Variants in SAMD5 observed in about 807,000 individuals in gnomAD.
The protein encoded by SAMD5 is sterile alpha motif domain containing 5.
A neutral mutation model predicts 11.3 loss-of-function variants in SAMD5; 13 were observed. The ratio of observed to expected loss-of-function variants is 1.15; its 90% CI spans 0.75 to 1.83. The LOEUF (loss-of-function observed/expected upper bound fraction) is 1.83, where lower values mean the gene tolerates loss of function less well. SAMD5 is among the 40% of genes most tolerant of loss of function. SAMD5 has a pLI of 0.00. For missense variants in SAMD5, 255 were observed against 239.1 expected, an observed-to-expected ratio of 1.07 and a Z score of -0.44; for synonymous variants, 129 against 111.3, an observed-to-expected ratio of 1.16 and a Z score of -1.00.
chr6:147,528,818 G>A (rs1001033534), intron 1 of SAMD5, among the ~76,000 whole-genome samples: 1 of 152,184 alleles, frequency 6.6e-6, no homozygotes, highest in South Asian at 2.1e-4. Context: ...CTTTAAGTAG[G>A]CTTGGAAAAG....
chr6:147,616,442 C>T (rs955747125), intron 1 of SAMD5, among the ~76,000 whole-genome samples: 6 of 151,956 alleles, frequency 3.9e-5, no homozygotes, highest in Non-Finnish European at 8.8e-5. Flanking sequence ...TCCTCGGTCA[C>T]TATGACCTGC....
At chr6:147,903,152 A>G in the SAMD5 span, among the ~76,000 whole-genome samples, 7 of 152,318 alleles carry the variant, frequency 4.6e-5, 1 homozygote, top group South Asian at 1.4e-3. Flanking sequence ...CCACTGTTCC[A>G]TGGCTAATTA....
At chr6:147,584,771 A>G (rs986151571) in intron 1 of SAMD5, among the ~76,000 whole-genome samples, 1 of 152,224 alleles carries the variant, frequency 6.6e-6, no homozygotes, top group Non-Finnish European at 1.5e-5. Flanking sequence ...GTTTCAGACC[A>G]CTAATTAGAT....
chr6:147,688,159 T>C (rs1256337165), intron 1 of SAMD5, among the ~76,000 whole-genome samples: 2 of 152,124 alleles, frequency 1.3e-5, no homozygotes, highest in Non-Finnish European at 2.9e-5. Context: ...TTTTTTAGTT[T>C]TGAGTTCCTG....
chr6:147,855,844 C>A, the SAMD5 span, among the ~76,000 whole-genome samples: 1 of 152,152 alleles, frequency 6.6e-6, no homozygotes, highest in Non-Finnish European at 1.5e-5. Context: ...TGCAATACCA[C>A]CACTTTGGAA....
At chr6:147,777,341 C>T in the SAMD5 span, among the ~76,000 whole-genome samples, 1 of 152,084 alleles carries the variant, frequency 6.6e-6, no homozygotes, top group Admixed American at 6.6e-5. Flanking sequence ...CCTGATCCGT[C>T]CACCCACTCC....
chr6:147,938,054 A>G, the SAMD5 span, among the ~76,000 whole-genome samples: 1 of 152,188 alleles, frequency 6.6e-6, no homozygotes, highest in Non-Finnish European at 1.5e-5. Flanking sequence ...TTGTAATTCA[A>G]GAGGTGATTG....
the SAMD5 span, among the ~76,000 whole-genome samples, chr6:147,775,668 A>G: frequency 0.019 from 2,848 of 152,314 alleles, 72 homozygotes; most frequent in East Asian, 0.067. Flanking sequence ...TCAGTTGGGA[A>G]ATGGAAGAAG....
the SAMD5 span, among the ~76,000 whole-genome samples, chr6:147,799,324 T>A: frequency 1.8e-3 from 277 of 152,080 alleles, no homozygotes; most frequent in African/African-American, 5.8e-3. Flanking sequence ...TCCTTCACTT[T>A]TGAAGCTTAG....
chr6:147,643,748 G>GGAAA (rs1554239617), intron 1 of SAMD5, among the ~76,000 whole-genome samples: 2 of 88,712 alleles, frequency 2.3e-5, no homozygotes, highest in African/African-American at 1.2e-4. Flanking sequence ...AAGGAAAGAA[G>GGAAA]GAAGGAAGGA....
In SAMD5 at chr6:147,555,355, TG is replaced by T. The variant is rs562356481; in HGVS notation, c.460-9036del. On this transcript the variant is annotated intron_variant, in intron 1 of 1. Transcript: ENST00000367474. Reference sequence around the variant, plus strand: ...AGAACAAGCCATGCTTATTTAGACTTGGGTATTTGGCAGATTTCTTAAAAAT... The same window carrying T: ...AGAACAAGCCATGCTTATTTAGACTTGGTATTTGGCAGATTTCTTAAAAAT... Among the ~76,000 whole-genome samples the T allele has an allele frequency of 4.6e-5, 7 of 152,312 alleles. No homozygotes were observed. In the South Asian group the frequency reaches 1.2e-3, roughly 27 times the overall value.
At chr6:147,712,323 AT>A (rs1791411525) in intron 1 of SAMD5, among the ~76,000 whole-genome samples, 1 of 152,122 alleles carries the variant, frequency 6.6e-6, no homozygotes. Flanking sequence ...ACAACAATTT[AT>A]TTTTTTCCAG....
In SAMD5 at chr6:147,597,731, G is replaced by T. The variant is rs1183155506; in HGVS notation, c.162+88344G>T. On this transcript the variant is annotated intron_variant, in intron 1 of 1. Transcript: ENST00000566741. ...AAGGCAAAACTTCATGTTGCAACCAGTTTTTTCCTGACTCTTGCTTCAAAC... is the reference window on the plus strand; with the variant it reads ...AAGGCAAAACTTCATGTTGCAACCATTTTTTTCCTGACTCTTGCTTCAAAC... Among the ~76,000 whole-genome samples the T allele has an allele frequency of 2.0e-5, 3 of 152,208 alleles. No individual in the cohort carries two copies. In the East Asian group the frequency reaches 5.8e-4, roughly 29 times the overall value.
chr6:147,944,366 C>T, the SAMD5 span, among the ~76,000 whole-genome samples: 50 of 152,144 alleles, frequency 3.3e-4, no homozygotes, highest in African/African-American at 1.1e-3. Flanking sequence ...ACCTCTTACA[C>T]GGATGGCAGC....
chr6:147,832,797 T>C, the SAMD5 span, among the ~76,000 whole-genome samples: 2 of 152,190 alleles, frequency 1.3e-5, no homozygotes, highest in African/African-American at 4.8e-5. Context: ...CGGTACACAC[T>C]AAGCACTTAA....
the SAMD5 span, among the ~76,000 whole-genome samples, chr6:147,950,954 A>G: frequency 6.7e-6 from 1 of 149,442 alleles, no homozygotes; most frequent in African/African-American, 2.5e-5. Flanking sequence ...TCTTTACCTC[A>G]TATTCTAGAC....
chr6:147,511,509 C>A (rs1364074733), intron 1 of SAMD5, among the ~76,000 whole-genome samples: 6 of 152,076 alleles, frequency 3.9e-5, no homozygotes, highest in Admixed American at 3.3e-4. Flanking sequence ...TGCTTGATAA[C>A]AAAGATATGC....
the SAMD5 span, among the ~76,000 whole-genome samples, chr6:147,891,764 C>A: frequency 6.6e-6 from 1 of 151,904 alleles, no homozygotes; most frequent in Non-Finnish European, 1.5e-5. Flanking sequence ...CAGTGCTTTC[C>A]ACCGTGACAG....
At chr6:147,647,080 T>C (rs562848702) in intron 1 of SAMD5, among the ~76,000 whole-genome samples, 5 of 151,802 alleles carry the variant, frequency 3.3e-5, no homozygotes, top group African/African-American at 9.7e-5. Context: ...GGCAGGAGAA[T>C]TGCTTGAACC....
Sources: gnomAD v4.1 joint callset for allele counts (sites outside exome capture counted in the v4.1 genomes callset) on GRCh38, gnomAD v4.1.1 for gene constraint, MANE v1.5 for transcripts, NCBI Gene and HGNC (gene_info 2026-07-23, HGNC 2026-07-21) for gene names.